The following CRADD variants were observed in gnomAD, a reference collection of about 807,000 sequenced individuals.
CRADD encodes the protein CARD and death domain containing adaptor protein.
CRADD carries 9 observed loss-of-function variants against 15.5 expected under a neutral mutation model. The ratio of observed to expected loss-of-function variants is 0.58; its 90% CI spans 0.35 to 1.01. The LOEUF (loss-of-function observed/expected upper bound fraction) is 1.01, where lower values mean the gene tolerates loss of function less well. CRADD is among the 50% of genes least tolerant of loss of function. The probability of loss-of-function intolerance (pLI) is 0.02; values close to 1 mark genes in which losing one functional copy is unlikely to be tolerated. For missense variants in CRADD, 227 were observed against 250.3 expected (o/e 0.91, Z 0.63); for synonymous variants, 118 against 107.6 (o/e 1.10, Z -0.60).
At chr12:93,821,991 G>A (rs1034002247) in intron 2 of CRADD, among the ~76,000 whole-genome samples, 5 of 152,032 alleles carry the variant, frequency 3.3e-5, no homozygotes, top group South Asian at 2.1e-4. Context: ...GGTGGTGGGC[G>A]CCTGCAATCC....
At chr12:93,787,800 A>C (rs1030943407) in intron 2 of CRADD, among the ~76,000 whole-genome samples, 1 of 152,174 alleles carries the variant, frequency 6.6e-6, no homozygotes, top group African/African-American at 2.4e-5. Flanking sequence ...TCATTTGTTC[A>C]TTCCACAAAC....
chr12:93,699,077 GT>G (rs200422004), intron 2 of CRADD, among the ~76,000 whole-genome samples: 1 of 152,150 alleles, frequency 6.6e-6, no homozygotes, highest in Admixed American at 6.5e-5. Context: ...AAAAGCTTTG[GT>G]TTTTTTCTTA....
At chr12:93,711,350 T>A (rs1956070690) in intron 2 of CRADD, among the ~76,000 whole-genome samples, 1 of 152,076 alleles carries the variant, frequency 6.6e-6, no homozygotes, top group South Asian at 2.1e-4. Flanking sequence ...TCCTTGTTTC[T>A]CTGATTCAAT....
chr12:93,718,337 G>C (rs1956198582), intron 2 of CRADD, among the ~76,000 whole-genome samples: 1 of 152,148 alleles, frequency 6.6e-6, no homozygotes, highest in Non-Finnish European at 1.5e-5. Flanking sequence ...TCTTTCACCA[G>C]TTTTGTGGTT....
rs1168264573 is a variant in CRADD, at chr12:93,793,710, G to T, written c.299-56260G>T. Among the ~76,000 whole-genome samples, 3 of 152,320 alleles carry T rather than the reference G, an allele frequency of 2.0e-5. No homozygotes were observed. The East Asian group carries it at 5.8e-4, about 29-fold the overall frequency. On this transcript the variant is annotated intron_variant, in intron 2 of 2. Coordinates refer to ENST00000332896, the MANE Select transcript of CRADD (RefSeq NM_003805.5). ...GAGTTGGGAATGAGTTGGGGAATAG[G>T]TGGAAGAAGTGGGATGAGGGGCAGA... is the stretch of plus-strand genomic sequence containing the variant.
intron 2 of CRADD, among the ~76,000 whole-genome samples, chr12:93,687,473 G>T (rs1188842461): frequency 6.6e-6 from 1 of 152,118 alleles, no homozygotes; most frequent in Admixed American, 6.5e-5. Context: ...ATCTCTGGAG[G>T]GTGGGTTCTG....
At chr12:93,836,349 T>C (rs1186823910) in intron 2 of CRADD, among the ~76,000 whole-genome samples, 1 of 152,188 alleles carries the variant, frequency 6.6e-6, no homozygotes, top group Non-Finnish European at 1.5e-5. Flanking sequence ...TTCATTTTTA[T>C]TTTATTACCT....
At chr12:93,816,619 C>T (rs1957701525) in intron 2 of CRADD, among the ~76,000 whole-genome samples, 1 of 152,170 alleles carries the variant, frequency 6.6e-6, no homozygotes, top group Admixed American at 6.5e-5. Flanking sequence ...CACTTCAATT[C>T]AGACACAGAT....
At chr12:93,856,320 G>T (rs780257125) in intron 2 of CRADD, among the ~76,000 whole-genome samples, 6 of 152,224 alleles carry the variant, frequency 3.9e-5, no homozygotes, top group Non-Finnish European at 8.8e-5. Context: ...ACCATTAAAT[G>T]AATAACTACA....
At chr12:93,764,398 A>G (rs889902824) in intron 2 of CRADD, among the ~76,000 whole-genome samples, 1 of 152,030 alleles carries the variant, frequency 6.6e-6, no homozygotes, top group Non-Finnish European at 1.5e-5. Context: ...GATGAGAGAG[A>G]AGGAGGACTT....
intron 2 of CRADD, among the ~76,000 whole-genome samples, chr12:93,782,110 T>C (rs1437290760): frequency 1.3e-5 from 2 of 151,942 alleles, no homozygotes; most frequent in African/African-American, 4.8e-5. Flanking sequence ...CCAACAATGA[T>C]AGACTGGATT....
intron 2 of CRADD, among the ~76,000 whole-genome samples, chr12:93,717,658 C>T (rs1015672327): frequency 3.9e-5 from 6 of 152,112 alleles, no homozygotes; most frequent in African/African-American, 1.4e-4. Flanking sequence ...GTAGCTGGGA[C>T]TACAGGCATG....
chr12:93,697,016 G>A (rs1368635466), intron 2 of CRADD, among the ~76,000 whole-genome samples: 1 of 152,180 alleles, frequency 6.6e-6, no homozygotes, highest in Non-Finnish European at 1.5e-5. Flanking sequence ...AATGACTGTA[G>A]ACTGTATTGC....
At chr12:93,731,445 T>G (rs909875102) in intron 2 of CRADD, among the ~76,000 whole-genome samples, 3 of 152,226 alleles carry the variant, frequency 2.0e-5, no homozygotes, top group Non-Finnish European at 2.9e-5. Context: ...AGGCATGTGC[T>G]CACACATACA....
chr12:93,739,409 C>A (rs941479745), intron 2 of CRADD, among the ~76,000 whole-genome samples: 1 of 151,430 alleles, frequency 6.6e-6, no homozygotes, highest in Non-Finnish European at 1.5e-5. Flanking sequence ...ATTAAATTAT[C>A]CTGTTTTTAG....
intron 2 of CRADD, among the ~76,000 whole-genome samples, chr12:93,842,528 G>C (rs1174772584): frequency 6.6e-6 from 1 of 152,082 alleles, no homozygotes; most frequent in South Asian, 2.1e-4. Context: ...AAAGACTGAG[G>C]GGAAGGAGGT....
At chr12:93,799,853 G>A (rs144733392) in intron 2 of CRADD, among the ~76,000 whole-genome samples, 141 of 152,240 alleles carry the variant, frequency 9.3e-4, no homozygotes, top group African/African-American at 3.2e-3. Flanking sequence ...CAAAGTAGCC[G>A]TGTTATTTAC....
At chr12:93,756,008 T>A (rs538980743) in intron 2 of CRADD, among the ~76,000 whole-genome samples, 41 of 152,290 alleles carry the variant, frequency 2.7e-4, no homozygotes, top group African/African-American at 7.9e-4. Context: ...GATAAAGATA[T>A]CAAGTCATAA....
At chr12:93,845,169 G>A (rs531471513) in intron 2 of CRADD, among the ~76,000 whole-genome samples, 32 of 152,240 alleles carry the variant, frequency 2.1e-4, no homozygotes, top group Middle Eastern at 3.4e-3. Flanking sequence ...AGCCCCCAAG[G>A]ACAGGCCTCA....
Sources: gnomAD v4.1 joint callset for allele counts (sites outside exome capture counted in the v4.1 genomes callset) on GRCh38, gnomAD v4.1.1 for gene constraint, MANE v1.5 for transcripts, NCBI Gene and HGNC (gene_info 2026-07-23, HGNC 2026-07-21) for gene names.